The following CIB2 variants were observed in gnomAD, a reference collection of about 807,000 sequenced individuals.
CIB2 encodes calcium and integrin-binding family member 2.
CIB2 carries 19 observed loss-of-function variants against 23.1 expected under a neutral mutation model. The ratio of observed to expected loss-of-function variants is 0.82; its 90% CI spans 0.57 to 1.21. The LOEUF (loss-of-function observed/expected upper bound fraction) is 1.21, where lower values mean the gene tolerates loss of function less well. Among genes scored for constraint, CIB2 ranks in the 50% most tolerant of loss-of-function variants. The pLI is 0.00. For synonymous variants in CIB2, 94 were observed against 91.7 expected (o/e 1.03, Z -0.14); for missense variants, 220 against 241.5 (o/e 0.91, Z 0.59).
Position 78,131,348 on chromosome 15 carries a change from C to T in CIB2, c.-133G>A, listed in dbSNP as rs1342415395. 1 of 569,460 alleles carries T rather than the reference C, an allele frequency of 1.8e-6. No individual in the cohort carries two copies. The highest frequency in any genetic ancestry group is 2.3e-6 in the Non-Finnish European group (1 of 426,954). The allele number at this position is 569,460 out of a possible 1,614,324, so 35.3% of individuals were successfully genotyped here. On this transcript the variant is annotated 5_prime_UTR_variant, in exon 1 of 6. Coordinates refer to ENST00000258930, the MANE Select transcript of CIB2 (RefSeq NM_006383.4). The surrounding 1 kb of genome is among the most constrained non-coding windows in gnomAD (Gnocchi z 5.8). Reference sequence around the variant, plus strand: ...GGCAGCGGCCCACGGTGGCCGGACCCTTCCCGCCCCGCAGCTCGCCTGGAG... The same window carrying T: ...GGCAGCGGCCCACGGTGGCCGGACCTTTCCCGCCCCGCAGCTCGCCTGGAG...
At chr15:78,108,582 T>C (rs187343528) in intron 4 of CIB2, among the ~76,000 whole-genome samples, 20 of 152,258 alleles carry the variant, frequency 1.3e-4, no homozygotes, top group African/African-American at 4.8e-4. Context: ...CAGGTGGCCC[T>C]ACCTCAGGCA....
chr15:78,122,197 TG>T (rs1433699869), intron 2 of CIB2, among the ~76,000 whole-genome samples: 1 of 151,960 alleles, frequency 6.6e-6, no homozygotes, highest in Non-Finnish European at 1.5e-5. Flanking sequence ...GGCAGGGTGT[TG>T]GGGGTGCTTA....
chr15:78,111,345 C>A, intron 2 of CIB2, 69 bp from the exon 3 acceptor site: 1 of 1,238,406 alleles, frequency 8.1e-7, no homozygotes, highest in Non-Finnish European at 1.2e-6. Flanking sequence ...CCGGTGCTGT[C>A]CTGCCTAGGC....
At chr15:78,123,894 G>T (rs2074350741) in intron 1 of CIB2, among the ~76,000 whole-genome samples, 155 bp from the exon 2 acceptor site, 1 of 152,190 alleles carries the variant, frequency 6.6e-6, no homozygotes, top group Non-Finnish European at 1.5e-5. Context: ...ACCCACTGGG[G>T]ACAGCTGGCT....
intron 1 of CIB2, among the ~76,000 whole-genome samples, chr15:78,126,920 G>A (rs1319018382): frequency 1.3e-5 from 2 of 152,176 alleles, no homozygotes; most frequent in African/African-American, 4.8e-5. Flanking sequence ...GCTTCTCAGG[G>A]CTCAGGGTGG....
chr15:78,131,088 C>A lies in CIB2; in HGVS notation c.51+77G>T. Reference sequence around the variant, plus strand: ...CTGGGAGAGCTGGCTCTCGGGAGGCCTCGGCCAGCGACCGAGAAAAGGGAG... The same window carrying A: ...CTGGGAGAGCTGGCTCTCGGGAGGCATCGGCCAGCGACCGAGAAAAGGGAG... On this transcript the variant is annotated intron_variant, in intron 1 of 5. Transcript: ENST00000258930. This position sits in a 1 kb window ranked among gnomAD's most constrained non-coding sequence, Gnocchi z 5.8. The A allele has an allele frequency of 7.3e-7, 1 of 1,373,218 alleles. No homozygotes were observed. Among genetic ancestry groups the A allele is most frequent in the Non-Finnish European group, 9.9e-7 (1 of 1,014,320 alleles). 85.1% of individuals were successfully genotyped at this position (1,373,218 alleles called of 1,614,324 possible).
rs748203993 is a variant in CIB2 at position 78,123,666 on chromosome 15, G to C, written c.86+39C>G. 5 of 1,612,222 alleles carry C rather than the reference G, an allele frequency of 3.1e-6. No individual in the cohort carries two copies. The Admixed American group carries it at 8.3e-5, about 27-fold the overall frequency. On this transcript the variant is annotated intron_variant, in intron 2 of 5. Transcript: ENST00000258930. The stretch of plus-strand genomic sequence containing the variant: ...GTGCCCCAGCCTCACCCCGGCCCCA[G>C]TCCCAGTCCCAACAGGGTGAACGAG...
At chr15:78,123,657 C>A in intron 2 of CIB2, 48 bp downstream of exon 2, 1 of 1,610,422 alleles carries the variant, frequency 6.2e-7, no homozygotes, top group Non-Finnish European at 8.5e-7. Flanking sequence ...CAGCCTCACC[C>A]CGGCCCCAGT....
chr15:78,106,772 G>A (rs575338682), intron 4 of CIB2, among the ~76,000 whole-genome samples: 1 of 152,134 alleles, frequency 6.6e-6, no homozygotes, highest in Non-Finnish European at 1.5e-5. Context: ...TAGCGATAAG[G>A]GTCCTCTTCC....
Position 78,104,867 on chromosome 15 carries a change from T to G in CIB2, c.*444A>C. On this transcript the variant is annotated 3_prime_UTR_variant, in exon 6 of 6. Transcript: ENST00000258930. This position sits in a 1 kb window ranked among gnomAD's most constrained non-coding sequence, Gnocchi z 4.4. ...GGGTGGGAAGCAGCCCAACCTTGGG[T>G]TTTGGAAAAAGATTGCATAGCTCGT... is the stretch of plus-strand genomic sequence containing the variant. 6.1e-6 allele frequency: 1 copy of G among 164,908 alleles called. No individual in the cohort carries two copies. Among genetic ancestry groups the G allele is most frequent in the Non-Finnish European group, 1.3e-5 (1 of 74,850 alleles). The allele number at this position is 164,908 out of a possible 1,614,324, so 10.2% of individuals were successfully genotyped here. A position where few individuals can be genotyped will look rare whatever the true frequency, so the allele number is the denominator to read the frequency against.
intron 4 of CIB2, among the ~76,000 whole-genome samples, chr15:78,108,201 C>CA (rs5813898): frequency 1.7e-3 from 178 of 105,418 alleles, no homozygotes; most frequent in East Asian, 6.5e-3. Context: ...GACTCTGTCT[C>CA]AAAAAAAAAA....
intron 2 of CIB2, chr15:78,120,717 G>T (rs546780140): frequency 7.7e-5 from 76 of 985,600 alleles, no homozygotes; most frequent in South Asian, 9.4e-5. Flanking sequence ...TCTGTGACTC[G>T]GTATCACTGC....
intron 4 of CIB2, among the ~76,000 whole-genome samples, chr15:78,107,885 C>T (rs1179128689): frequency 2.6e-5 from 4 of 152,214 alleles, no homozygotes; most frequent in African/African-American, 4.8e-5. Context: ...GAAAGTGAAA[C>T]GTCAGTCTGG....
chr15:78,114,252 G>C (rs747933643), intron 2 of CIB2, among the ~76,000 whole-genome samples: 14 of 152,154 alleles, frequency 9.2e-5, no homozygotes, highest in Non-Finnish European at 4.4e-5. Context: ...GGGTGGGAAG[G>C]CCAGCTTCTA....
chr15:78,106,900 G>A (rs2074079091), intron 4 of CIB2, among the ~76,000 whole-genome samples: 2 of 152,096 alleles, frequency 1.3e-5, no homozygotes, highest in Non-Finnish European at 2.9e-5. Context: ...AAACTATGAG[G>A]CAGGCACAAT....
intron 1 of CIB2, among the ~76,000 whole-genome samples, chr15:78,130,066 C>T (rs1330589151): frequency 6.6e-6 from 1 of 152,212 alleles, no homozygotes. Context: ...CCACACTTCA[C>T]ACCTGCTTTC....
At chr15:78,121,880 T>G (rs908036475) in intron 2 of CIB2, among the ~76,000 whole-genome samples, 1 of 152,168 alleles carries the variant, frequency 6.6e-6, no homozygotes, top group African/African-American at 2.4e-5. Flanking sequence ...AGCTCCTCTC[T>G]CCTCTTCCCC....
rs769391969 is a variant in CIB2, at chr15:78,109,312, T to C, written c.269A>G (p.Asp90Gly). 4 of 1,613,048 alleles carry C rather than the reference T, an allele frequency of 2.5e-6. No homozygotes were observed. The South Asian group carries it at 4.4e-5, about 18-fold the overall frequency. The change falls in exon 4 of 6, where the codon GAC (aspartate) becomes GGC (glycine). Residue 90 changes from aspartate to glycine, a missense_variant. Transcript: ENST00000258930. ...GAGCACGGAAAACATGTCCACAAAG[T>C]CGTTGAAAGTGAGGTTCCCCTCACC... ...EDGEGNLTFN[D>G]FVDMFSVLCE...
At chr15:78,106,645 G>A (rs1466220325) in intron 4 of CIB2, among the ~76,000 whole-genome samples, 1 of 152,108 alleles carries the variant, frequency 6.6e-6, no homozygotes, top group Non-Finnish European at 1.5e-5. Flanking sequence ...TACATTTTGA[G>A]CCCAACTACC....
Sources: gnomAD v4.1 joint callset for allele counts (sites outside exome capture counted in the v4.1 genomes callset) on GRCh38, gnomAD v4.1.1 for gene constraint, Gnocchi (gnomAD v3.1) non-coding constraint, MANE v1.5 for transcripts, NCBI Gene and HGNC (gene_info 2026-07-23, HGNC 2026-07-21) for gene names.